The following KCNJ6 variants were observed in gnomAD, a reference collection of about 807,000 sequenced individuals.
The protein encoded by KCNJ6 is G protein-activated inward rectifier potassium channel 2.
KCNJ6 carries 9 observed loss-of-function variants against 34.2 expected under a neutral mutation model. The ratio of observed to expected loss-of-function variants is 0.26; its 90% confidence interval spans 0.16 to 0.46. KCNJ6 has a LOEUF of 0.46. KCNJ6 is among the 20% of genes least tolerant of loss of function. The pLI is 1.00. For missense variants in KCNJ6, 236 were observed against 531.3 expected (o/e 0.44, Z 5.46); for synonymous variants, 196 against 207.1 (o/e 0.95, Z 0.46).
At chr21:37,848,080 G>T (rs1036149299) in intron 1 of KCNJ6, among the ~76,000 whole-genome samples, 1 of 152,288 alleles carries the variant, frequency 6.6e-6, no homozygotes, top group South Asian at 2.1e-4. Flanking sequence ...AGCCCTGGAG[G>T]TCCCTGGAGG....
chr21:37,752,401 C>T (rs900557971), intron 2 of KCNJ6, among the ~76,000 whole-genome samples: 6 of 152,044 alleles, frequency 3.9e-5, no homozygotes, highest in Non-Finnish European at 5.9e-5. Context: ...ATACACATGG[C>T]GGCTGGATCA....
intron 3 of KCNJ6, among the ~76,000 whole-genome samples, chr21:37,657,881 G>A (rs1462380278): frequency 2.0e-5 from 3 of 152,236 alleles, no homozygotes; most frequent in Admixed American, 6.5e-5. Flanking sequence ...AGTATTTCAC[G>A]ACGGTGTCTT....
chr21:37,823,574 A>G (rs1286736364), intron 2 of KCNJ6, among the ~76,000 whole-genome samples: 1 of 152,172 alleles, frequency 6.6e-6, no homozygotes, highest in African/African-American at 2.4e-5. Flanking sequence ...TGATGGTTTT[A>G]TAAGTGTTTG....
At chr21:37,791,095 GC>G (rs1048269654) in intron 2 of KCNJ6, among the ~76,000 whole-genome samples, 17 of 152,186 alleles carry the variant, frequency 1.1e-4, no homozygotes, top group African/African-American at 4.1e-4. Context: ...TGGAACATTG[GC>G]CCTGGGAGGG....
At chr21:37,633,735 A>C (rs568741978) in intron 3 of KCNJ6, among the ~76,000 whole-genome samples, 1 of 152,310 alleles carries the variant, frequency 6.6e-6, no homozygotes, top group African/African-American at 2.4e-5. Context: ...CCTAGAAATC[A>C]ATCTAATAAT....
intron 1 of KCNJ6, among the ~76,000 whole-genome samples, chr21:37,898,594 A>T (rs1034939620): frequency 2.0e-5 from 3 of 151,856 alleles, no homozygotes; most frequent in Non-Finnish European, 4.4e-5. Context: ...AAAGAAAAAA[A>T]AAAAAAAGAA....
chr21:37,744,775 G>A (rs919975330), intron 2 of KCNJ6, among the ~76,000 whole-genome samples: 5 of 152,210 alleles, frequency 3.3e-5, no homozygotes, highest in African/African-American at 7.2e-5. Context: ...ACAGTGGGGG[G>A]TGTGTAAGGA....
At chr21:37,723,480 C>A (rs964326373) in intron 2 of KCNJ6, among the ~76,000 whole-genome samples, 1 of 152,102 alleles carries the variant, frequency 6.6e-6, no homozygotes, top group Non-Finnish European at 1.5e-5. Context: ...GTATGTTCAT[C>A]GCAGCATTAT....
chr21:37,703,062 T>C (rs1433297397), intron 3 of KCNJ6, among the ~76,000 whole-genome samples: 1 of 152,106 alleles, frequency 6.6e-6, no homozygotes, highest in African/African-American at 2.4e-5. Flanking sequence ...GAAAGAGAGC[T>C]GAGAAATGGG....
chr21:37,903,026 C>T (rs1482930309), intron 1 of KCNJ6, among the ~76,000 whole-genome samples: 1 of 151,944 alleles, frequency 6.6e-6, no homozygotes, highest in Non-Finnish European at 1.5e-5. Context: ...AACAATTGTC[C>T]CTTCCTCTCC....
intron 2 of KCNJ6, among the ~76,000 whole-genome samples, chr21:37,735,012 C>T (rs2054905597): frequency 6.6e-6 from 1 of 152,092 alleles, no homozygotes; most frequent in Non-Finnish European, 1.5e-5. Context: ...CGCTCAGGGC[C>T]AGCCCAGCAT....
At chr21:37,705,475 A>G (rs12482570) in intron 3 of KCNJ6, among the ~76,000 whole-genome samples, 45,339 of 152,144 alleles carry the variant, frequency 0.3, 7,065 homozygotes, top group Middle Eastern at 0.38. Context: ...TTAGGCATGA[A>G]ATAAATGACA....
chr21:37,618,224 C>A lies in KCNJ6; in HGVS notation c.*6935G>T, dbSNP rs2054279687. ...ACCCAGAGGTTTGGGTAATGCACGG[C>A]TGACCGAAACTCTGATCTCTGCACT... On this transcript the variant is annotated 3_prime_UTR_variant, in exon 4 of 4. Transcript: ENST00000609713. 6.6e-6 allele frequency: 1 copy of A among 152,256 alleles called. No individual in the cohort carries two copies. The highest frequency in any genetic ancestry group is 2.4e-5 in the African/African-American group (1 of 41,458). 9.4% of individuals were successfully genotyped at this position (152,256 alleles called of 1,614,324 possible). A position where few individuals can be genotyped will look rare whatever the true frequency, so the allele number is the denominator to read the frequency against.
rs1449499851 is a variant in KCNJ6, at chr21:37,622,287, T to C, written c.*2872A>G. ...AAAATTCTCATTGCACTTGGTTTGCTAATGGAGTGACTGAGGGAATGAGGA... is the reference window on the plus strand; with the variant it reads ...AAAATTCTCATTGCACTTGGTTTGCCAATGGAGTGACTGAGGGAATGAGGA... On this transcript the variant is annotated 3_prime_UTR_variant, in exon 4 of 4. Transcript: ENST00000609713. 1 of 152,202 alleles carries C rather than the reference T, an allele frequency of 6.6e-6. No individual in the cohort carries two copies. The highest frequency in any genetic ancestry group is 1.5e-5 in the Non-Finnish European group (1 of 68,028). 9.4% of individuals were successfully genotyped at this position (152,202 alleles called of 1,614,324 possible). A position where few individuals can be genotyped will look rare whatever the true frequency, so the allele number is the denominator to read the frequency against.
chr21:37,754,714 G>C lies in KCNJ6; in HGVS notation c.26-39583C>G, dbSNP rs1157772643. On this transcript the variant is annotated intron_variant, in intron 2 of 3. Coordinates refer to ENST00000609713, the MANE Select transcript of KCNJ6 (RefSeq NM_002240.5). The stretch of plus-strand genomic sequence containing the variant: ...CACAAAGGAGAGGTAATATGTTGCT[G>C]TTGGGTGAGGTGTCCTGGCTGGGTT... Among the ~76,000 whole-genome samples, 3 of 152,234 alleles carry C rather than the reference G, an allele frequency of 2.0e-5. 1 individual carries two copies. Among genetic ancestry groups the C allele is most frequent in the Admixed American group, 2.0e-4 (3 of 15,288 alleles).
At chr21:37,848,832 A>C (rs996026803) in intron 1 of KCNJ6, among the ~76,000 whole-genome samples, 8 of 152,168 alleles carry the variant, frequency 5.3e-5, no homozygotes, top group African/African-American at 1.9e-4. Flanking sequence ...TGGCTGCCAG[A>C]GTTTCTCCAA....
chr21:37,807,177 A>G (rs2055297628), intron 2 of KCNJ6, among the ~76,000 whole-genome samples: 1 of 152,240 alleles, frequency 6.6e-6, no homozygotes, highest in South Asian at 2.1e-4. Context: ...CACTTACCCC[A>G]TATGTCGGGA....
intron 3 of KCNJ6, among the ~76,000 whole-genome samples, chr21:37,689,398 TC>T: frequency 6.6e-6 from 1 of 152,184 alleles, no homozygotes; most frequent in East Asian, 1.9e-4. Context: ...TCTTCTTACT[TC>T]CCCCTTTCAG....
chr21:37,829,810 G>C (rs1197822770), intron 2 of KCNJ6, among the ~76,000 whole-genome samples: 2 of 152,210 alleles, frequency 1.3e-5, no homozygotes, highest in Admixed American at 1.3e-4. Flanking sequence ...CCCGAGATGG[G>C]GGCAAATGGA....
Sources: allele counts gnomAD v4.1 joint callset (sites outside exome capture counted in the v4.1 genomes callset), GRCh38; gene constraint gnomAD v4.1.1; transcripts MANE v1.5; gene names NCBI Gene and HGNC (gene_info 2026-07-23, HGNC 2026-07-21).